DOCK4: variants seen among roughly 807,000 people sequenced by gnomAD.
DOCK4 encodes dedicator of cytokinesis 4.
DOCK4 carries 97 observed loss-of-function variants against 268.1 expected under a neutral mutation model. The observed-to-expected ratio is 0.36, with a 90% CI of 0.31 to 0.43. The LOEUF is 0.43. Ranked by LOEUF, DOCK4 falls within the 20% of genes least tolerant of loss-of-function variation. The pLI is 1.00. For missense variants in DOCK4, 2,145 were observed against 2,455.7 expected, an observed-to-expected ratio of 0.87 and a Z score of 2.67; for synonymous variants, 954 against 887.2, an observed-to-expected ratio of 1.08 and a Z score of -1.34.
rs975917880 is a variant in DOCK4, at chr7:112,128,298, G to C, written c.37+77804C>G. Among the ~76,000 whole-genome samples, 8 of 151,326 alleles carry C rather than the reference G, an allele frequency of 5.3e-5. No homozygotes were observed. The East Asian group carries it at 1.2e-3, about 22-fold the overall frequency. ...GCCCCGTCCGGGAGGGAGGTGGGGG[G>C]GGTCAGCCCCCTGCCCGGCCAGCCG... On this transcript the variant is annotated intron_variant, in intron 1 of 52. Coordinates refer to ENST00000428084, the MANE Select transcript of DOCK4 (RefSeq NM_001363540.2).
chr7:112,130,820 T>C (rs183628584), intron 1 of DOCK4, among the ~76,000 whole-genome samples: 123 of 152,354 alleles, frequency 8.1e-4, no homozygotes, highest in African/African-American at 2.8e-3. Flanking sequence ...TTAACAACTT[T>C]GTTCACTGTG....
intron 8 of DOCK4, among the ~76,000 whole-genome samples, chr7:111,973,827 G>C (rs1339895273): frequency 6.6e-6 from 1 of 151,932 alleles, no homozygotes; most frequent in African/African-American, 2.4e-5. Flanking sequence ...GTACATAAGG[G>C]TTCCTTACAA....
chr7:112,025,175 G>A (rs1802669555), intron 1 of DOCK4, among the ~76,000 whole-genome samples: 1 of 151,766 alleles, frequency 6.6e-6, no homozygotes, highest in African/African-American at 2.4e-5. Flanking sequence ...TCTACCATAC[G>A]CCGGCACCAT....
chr7:112,141,325 A>G (rs577959462), intron 1 of DOCK4, among the ~76,000 whole-genome samples: 3 of 152,326 alleles, frequency 2.0e-5, no homozygotes, highest in South Asian at 4.1e-4. Context: ...ATGGTTCACT[A>G]TATGTGTCAG....
At chr7:112,011,187 A>C (rs1053775901) in intron 1 of DOCK4, among the ~76,000 whole-genome samples, 3 of 152,202 alleles carry the variant, frequency 2.0e-5, no homozygotes, top group African/African-American at 7.2e-5. Context: ...TAACTGACCA[A>C]GATTGTCACT....
chr7:112,109,421 T>C (rs960780792), intron 1 of DOCK4, among the ~76,000 whole-genome samples: 6 of 152,030 alleles, frequency 3.9e-5, no homozygotes, highest in Non-Finnish European at 5.9e-5. Flanking sequence ...AAAAAATGTA[T>C]GGGAAGCTTA....
At chr7:111,911,986 G>A (rs769050620) in intron 13 of DOCK4, among the ~76,000 whole-genome samples, 1 of 152,074 alleles carries the variant, frequency 6.6e-6, no homozygotes, top group Non-Finnish European at 1.5e-5. Flanking sequence ...AGTCATTTTC[G>A]ACAACAGTAC....
intron 1 of DOCK4, among the ~76,000 whole-genome samples, chr7:112,200,725 T>TAAAATA (rs1554478848): frequency 9.7e-6 from 1 of 102,766 alleles, no homozygotes; most frequent in East Asian, 3.2e-4. Context: ...GCCTCTAAAA[T>TAAAATA]AAAAAAAAAA....
At chr7:111,943,430 A>C (rs1326924530) in intron 10 of DOCK4, among the ~76,000 whole-genome samples, 1 of 152,240 alleles carries the variant, frequency 6.6e-6, no homozygotes, top group Non-Finnish European at 1.5e-5. Flanking sequence ...CTGAAAGCAA[A>C]AGTGGTTTAC....
intron 1 of DOCK4, among the ~76,000 whole-genome samples, chr7:112,081,012 G>A (rs1426073671): frequency 2.6e-5 from 4 of 152,090 alleles, no homozygotes; most frequent in South Asian, 2.1e-4. Context: ...AACAACTGTC[G>A]AGGTACATTT....
intron 12 of DOCK4, among the ~76,000 whole-genome samples, chr7:111,919,126 A>T (rs1792878613): frequency 7.1e-6 from 1 of 140,956 alleles, no homozygotes; most frequent in Non-Finnish European, 1.5e-5. Context: ...AAAACAAAAC[A>T]AAAAACAAAA....
intron 8 of DOCK4, among the ~76,000 whole-genome samples, chr7:111,954,158 A>T (rs537089410): frequency 6.6e-6 from 1 of 152,318 alleles, no homozygotes; most frequent in South Asian, 2.1e-4. Context: ...GTGTTAAAGA[A>T]AAAATTATTT....
intron 23 of DOCK4, among the ~76,000 whole-genome samples, chr7:111,849,285 C>T (rs1205111929): frequency 1.2e-4 from 17 of 138,570 alleles, no homozygotes; most frequent in African/African-American, 3.3e-4. Context: ...TTTTTTGAGA[C>T]GGAGTCTTGC....
At chr7:112,072,147 C>T (rs1305692736) in intron 1 of DOCK4, among the ~76,000 whole-genome samples, 2 of 152,122 alleles carry the variant, frequency 1.3e-5, no homozygotes, top group East Asian at 3.9e-4. Flanking sequence ...TTTTCCAAAG[C>T]TCCAATAAAC....
chr7:111,824,660 C>A (rs1337726123), intron 26 of DOCK4, among the ~76,000 whole-genome samples: 1 of 152,006 alleles, frequency 6.6e-6, no homozygotes, highest in Non-Finnish European at 1.5e-5. Context: ...CTATAGGAGG[C>A]AAAACATCTA....
chr7:111,948,350 C>T (rs927269924), intron 8 of DOCK4, among the ~76,000 whole-genome samples: 1 of 152,136 alleles, frequency 6.6e-6, no homozygotes, highest in South Asian at 2.1e-4. Context: ...CATTAGAATG[C>T]TATAAGGTAA....
At chr7:112,139,640 T>C (rs554232811) in intron 1 of DOCK4, among the ~76,000 whole-genome samples, 16 of 152,288 alleles carry the variant, frequency 1.1e-4, no homozygotes, top group African/African-American at 3.6e-4. Context: ...CGTGACAAAA[T>C]AGTAAGTGCT....
At chr7:112,184,564 C>T (rs1308603158) in intron 1 of DOCK4, among the ~76,000 whole-genome samples, 1 of 151,946 alleles carries the variant, frequency 6.6e-6, no homozygotes, top group African/African-American at 2.4e-5. Context: ...AGCTACTAAC[C>T]TCCTTTTGAC....
chr7:111,976,300 T>C (rs1798203553), intron 8 of DOCK4, among the ~76,000 whole-genome samples: 1 of 100,024 alleles, frequency 1.0e-5, no homozygotes, highest in Non-Finnish European at 2.0e-5. Flanking sequence ...TATATATATA[T>C]ATATATATAT....
Sources: allele counts gnomAD v4.1 joint callset (sites outside exome capture counted in the v4.1 genomes callset), GRCh38; gene constraint gnomAD v4.1.1; transcripts MANE v1.5; gene names NCBI Gene and HGNC (gene_info 2026-07-23, HGNC 2026-07-21).